KCNN2: variants seen among roughly 807,000 people sequenced by gnomAD.
KCNN2 encodes potassium calcium-activated channel subfamily N member 2, also known as small conductance calcium-activated potassium channel protein 2.
Under a neutral mutation model 55.5 loss-of-function variants are expected in KCNN2, and 24 were observed. The observed-to-expected ratio is 0.43, with a 90% CI of 0.31 to 0.61. The LOEUF (loss-of-function observed/expected upper bound fraction) is 0.61, where lower values mean the gene tolerates loss of function less well. Among genes scored for constraint, KCNN2 ranks in the 20% least tolerant of loss-of-function variants. The probability of loss-of-function intolerance (pLI) is 0.08; values close to 1 mark genes in which losing one functional copy is unlikely to be tolerated. For synonymous variants in KCNN2, 431 were observed against 336.1 expected (o/e 1.28, Z -3.09); for missense variants, 754 against 853.6 (o/e 0.88, Z 1.45).
At chr5:114,187,472 G>T (rs1753357066) in intron 1 of KCNN2, among the ~76,000 whole-genome samples, 1 of 151,166 alleles carries the variant, frequency 6.6e-6, no homozygotes. Flanking sequence ...ATCTTTCCAA[G>T]GGCTATTAAT....
intron 1 of KCNN2, among the ~76,000 whole-genome samples, chr5:114,074,022 C>T (rs1750629812): frequency 6.6e-6 from 1 of 152,188 alleles, no homozygotes; most frequent in African/African-American, 2.4e-5. Context: ...GCTCTAATAT[C>T]TACAACTTTC....
chr5:114,409,064 G>T (rs1759036620), intron 3 of KCNN2, among the ~76,000 whole-genome samples: 1 of 152,152 alleles, frequency 6.6e-6, no homozygotes, highest in Non-Finnish European at 1.5e-5. Flanking sequence ...TGGGACACTG[G>T]GATTTAGTCT....
chr5:114,385,516 C>T (rs1031583797), intron 2 of KCNN2, among the ~76,000 whole-genome samples: 1 of 82,644 alleles, frequency 1.2e-5, no homozygotes, highest in South Asian at 4.2e-4. Context: ...TACACACATG[C>T]GCGCACACAC....
chr5:114,210,956 A>G (rs756644406), intron 1 of KCNN2, among the ~76,000 whole-genome samples: 1 of 152,162 alleles, frequency 6.6e-6, no homozygotes, highest in Non-Finnish European at 1.5e-5. Context: ...CAACAAGCAT[A>G]TAAAAAAAGC....
intron 5 of KCNN2, chr5:114,486,616 A>G (rs1247823691): frequency 3.6e-6 from 2 of 551,208 alleles, no homozygotes; most frequent in Non-Finnish European, 5.9e-6. Flanking sequence ...ATGCCCTTCC[A>G]GTAGTGCACA....
intron 2 of KCNN2, among the ~76,000 whole-genome samples, chr5:114,394,005 T>C (rs1457760): frequency 0.3 from 45,370 of 151,948 alleles, 7,087 homozygotes; most frequent in Non-Finnish European, 0.35. Context: ...CTCTTGCAAA[T>C]ATATTGATAT....
intron 1 of KCNN2, among the ~76,000 whole-genome samples, chr5:114,215,996 TA>T (rs1301625747): frequency 6.6e-6 from 1 of 152,152 alleles, no homozygotes; most frequent in Non-Finnish European, 1.5e-5. Context: ...TTTGGTTTCT[TA>T]AAAAATTATA....
intron 1 of KCNN2, among the ~76,000 whole-genome samples, chr5:114,073,283 A>G (rs906592046): frequency 6.6e-6 from 1 of 152,228 alleles, no homozygotes; most frequent in African/African-American, 2.4e-5. Context: ...ATGTCTTTAA[A>G]TAGCTTGATT....
chr5:114,298,311 A>G (rs1756073689), intron 2 of KCNN2, among the ~76,000 whole-genome samples: 1 of 152,226 alleles, frequency 6.6e-6, no homozygotes. Flanking sequence ...CTCCCTCCAC[A>G]GGGGAACCCT....
chr5:114,210,483 T>G (rs1441827650), intron 1 of KCNN2, among the ~76,000 whole-genome samples: 2 of 152,188 alleles, frequency 1.3e-5, no homozygotes, highest in Non-Finnish European at 2.9e-5. Flanking sequence ...ATAATGAGAA[T>G]TCACTGTGTA....
intron 5 of KCNN2, among the ~76,000 whole-genome samples, chr5:114,474,570 T>C (rs1314799816): frequency 6.6e-6 from 1 of 152,168 alleles, no homozygotes; most frequent in Non-Finnish European, 1.5e-5. Flanking sequence ...TTTTACTTTT[T>C]AAAGATCTAC....
At chr5:114,163,355 C>T (rs115944993) in intron 1 of KCNN2, among the ~76,000 whole-genome samples, 1,792 of 152,214 alleles carry the variant, frequency 0.012, 37 homozygotes, top group African/African-American at 0.04. Context: ...GAAAGGGCAT[C>T]CTTGTGGCAA....
At chr5:114,454,977 A>G (rs1017127721) in intron 3 of KCNN2, among the ~76,000 whole-genome samples, 2 of 151,908 alleles carry the variant, frequency 1.3e-5, no homozygotes, top group Non-Finnish European at 1.5e-5. Flanking sequence ...TTTGTTTACT[A>G]TTTGCTCCAT....
intron 2 of KCNN2, among the ~76,000 whole-genome samples, chr5:114,288,495 T>TACAC (rs771115837): frequency 0.086 from 6,475 of 75,008 alleles, 160 homozygotes; most frequent in Middle Eastern, 0.22. Flanking sequence ...TTTATATATA[T>TACAC]ATATACACAC....
chr5:114,100,778 G>T (rs1308208151), intron 1 of KCNN2, among the ~76,000 whole-genome samples: 1 of 152,060 alleles, frequency 6.6e-6, no homozygotes, highest in Non-Finnish European at 1.5e-5. Context: ...ATTTTATTAG[G>T]CCAGAAAATA....
At chr5:114,491,029 G>C (rs914578795) in intron 6 of KCNN2, among the ~76,000 whole-genome samples, 4 of 152,106 alleles carry the variant, frequency 2.6e-5, no homozygotes, top group African/African-American at 9.7e-5. Flanking sequence ...TTCAAGTTCC[G>C]ATAGCTAAAG....
intron 2 of KCNN2, among the ~76,000 whole-genome samples, chr5:114,225,066 T>G (rs980980675): frequency 6.6e-6 from 1 of 152,220 alleles, no homozygotes; most frequent in South Asian, 2.1e-4. Flanking sequence ...TAGAAGACTT[T>G]ATACCTGAAA....
chr5:114,265,093 T>C (rs1755183801), intron 2 of KCNN2, among the ~76,000 whole-genome samples: 1 of 152,162 alleles, frequency 6.6e-6, no homozygotes, highest in Non-Finnish European at 1.5e-5. Context: ...CCTTTAACTC[T>C]TACACATCTT....
intron 2 of KCNN2, among the ~76,000 whole-genome samples, chr5:114,381,461 T>C (rs1758123500): frequency 6.6e-6 from 1 of 152,136 alleles, no homozygotes; most frequent in Admixed American, 6.5e-5. Context: ...GCAGTGGTAA[T>C]TTTAGGAGAG....
Sources: gnomAD v4.1 joint callset for allele counts (sites outside exome capture counted in the v4.1 genomes callset) on GRCh38, gnomAD v4.1.1 for gene constraint, MANE v1.5 for transcripts, NCBI Gene and HGNC (gene_info 2026-07-23, HGNC 2026-07-21) for gene names.